LRRN1: variants seen among roughly 807,000 people sequenced by gnomAD.
LRRN1 encodes leucine rich repeat neuronal 1, also known as leucine-rich repeat neuronal protein 1.
LRRN1 carries 14 observed loss-of-function variants against 45.8 expected under a neutral mutation model. The ratio of observed to expected loss-of-function variants is 0.31; its 90% CI spans 0.20 to 0.48. The LOEUF (loss-of-function observed/expected upper bound fraction) is 0.48, where lower values mean the gene tolerates loss of function less well. Ranked by LOEUF, LRRN1 falls within the 20% of genes least tolerant of loss-of-function variation. The pLI is 0.99. For synonymous variants in LRRN1, 359 were observed against 330.1 expected, an observed-to-expected ratio of 1.09 and a Z score of -0.95; for missense variants, 789 against 874.2, an observed-to-expected ratio of 0.90 and a Z score of 1.23.
At chr3:3,815,322 A>C (rs1001439758) in intron 1 of LRRN1, among the ~76,000 whole-genome samples, 3 of 152,110 alleles carry the variant, frequency 2.0e-5, no homozygotes, top group East Asian at 1.9e-4. Context: ...AATGCTCACA[A>C]CTGACTCAGA....
intron 1 of LRRN1, among the ~76,000 whole-genome samples, chr3:3,824,525 C>T (rs1299929381): frequency 2.8e-5 from 3 of 106,628 alleles, no homozygotes; most frequent in Non-Finnish European, 8.0e-5. Context: ...GAACATTGTT[C>T]GGCTGACCTG....
rs947419800 is a variant in LRRN1, at chr3:3,828,989, T to C, written c.-278-15375T>C. ...CTCAGCAGGTTGTGTTTTCTTTTCT[T>C]TCTTTTTTTTTTTTTTTCCTGGTGG... On this transcript the variant is annotated intron_variant, in intron 1 of 1. Coordinates refer to ENST00000319331, the MANE Select transcript of LRRN1 (RefSeq NM_020873.7). Among the ~76,000 whole-genome samples, 4 of 128,478 alleles carry C rather than the reference T, an allele frequency of 3.1e-5. No individual in the cohort carries two copies. In the South Asian group the frequency reaches 8.4e-4, roughly 27 times the overall value. The allele number at this position is 128,478 out of a possible 152,430, so 84.3% of individuals were successfully genotyped here.
intron 1 of LRRN1, among the ~76,000 whole-genome samples, chr3:3,820,515 A>G (rs1178470157): frequency 2.6e-5 from 4 of 152,200 alleles, no homozygotes; most frequent in African/African-American, 2.4e-5. Flanking sequence ...AAGGAGAGCA[A>G]TGGTGTACTC....
At chr3:3,808,407 G>A (rs574797589) in intron 1 of LRRN1, among the ~76,000 whole-genome samples, 3 of 152,170 alleles carry the variant, frequency 2.0e-5, no homozygotes, top group African/African-American at 7.2e-5. Flanking sequence ...TAAGTACCTT[G>A]CCCAAGGTCA....
chr3:3,845,310 A>C lies in LRRN1; in HGVS notation c.669A>C (p.Ala223=). 2 of 1,614,140 alleles carry C rather than the reference A, an allele frequency of 1.2e-6. No homozygotes were observed. Among genetic ancestry groups the C allele is most frequent in the Non-Finnish European group, 8.5e-7 (1 of 1,180,024 alleles). ...PLANLRSLVL[A]GMYLTDIPGN... ...CAAATTTGAGAAGCTTAGTTTTGGCAGGAATGTATCTCACTGATATTCCTG... is the reference window on the plus strand; with the variant it reads ...CAAATTTGAGAAGCTTAGTTTTGGCCGGAATGTATCTCACTGATATTCCTG... The change falls in exon 2 of 2, where the codon GCA becomes GCC. Residue 223 remains alanine, a synonymous_variant. Transcript: ENST00000319331. This position sits in a 1 kb window ranked among gnomAD's most constrained non-coding sequence, Gnocchi z 6.5.
intron 1 of LRRN1, among the ~76,000 whole-genome samples, chr3:3,834,525 G>GATATATATCATATATATATATATAT (rs1693446485): frequency 3.7e-5 from 1 of 27,310 alleles, no homozygotes; most frequent in African/African-American, 8.6e-5. Context: ...GACAGAACAG[G>GATATATATCATATATATATATATAT]ATATATATAT....
chr3:3,836,769 T>C (rs1387875733), intron 1 of LRRN1, among the ~76,000 whole-genome samples: 1 of 151,982 alleles, frequency 6.6e-6, no homozygotes, highest in Non-Finnish European at 1.5e-5. Flanking sequence ...ATTTTAGGGG[T>C]AGTAGCAAAA....
intron 1 of LRRN1, among the ~76,000 whole-genome samples, chr3:3,834,525 G>GATATATATATATATGATAT (rs1553563058): frequency 1.5e-4 from 4 of 27,310 alleles, no homozygotes; most frequent in African/African-American, 3.4e-4. Flanking sequence ...GACAGAACAG[G>GATATATATATATATGATAT]ATATATATAT....
intron 1 of LRRN1, among the ~76,000 whole-genome samples, chr3:3,803,462 G>A (rs960625725): frequency 2.6e-5 from 4 of 152,056 alleles, no homozygotes; most frequent in African/African-American, 4.8e-5. Context: ...ATAGTTCCCC[G>A]AATGATTCAT....
At chr3:3,812,602 G>A (rs540889288) in intron 1 of LRRN1, among the ~76,000 whole-genome samples, 28 of 152,254 alleles carry the variant, frequency 1.8e-4, no homozygotes, top group South Asian at 6.2e-4. Context: ...ATCCTATACC[G>A]AAGAGATATG....
chr3:3,809,441 G>A (rs994010134), intron 1 of LRRN1, among the ~76,000 whole-genome samples: 1 of 152,166 alleles, frequency 6.6e-6, no homozygotes, highest in Non-Finnish European at 1.5e-5. Context: ...ACTGCCCCCG[G>A]CCATGAAAAG....
At chr3:3,805,972 T>C (rs971669075) in intron 1 of LRRN1, among the ~76,000 whole-genome samples, 6 of 152,334 alleles carry the variant, frequency 3.9e-5, no homozygotes, top group Admixed American at 2.6e-4. Context: ...AAGTATTTAT[T>C]GAGTGCTCTG....
intron 1 of LRRN1, among the ~76,000 whole-genome samples, chr3:3,835,116 A>T (rs1224422480): frequency 1.3e-5 from 2 of 152,184 alleles, no homozygotes; most frequent in Non-Finnish European, 2.9e-5. Flanking sequence ...GGCACAGAGA[A>T]TTTAAGTACA....
At chr3:3,839,633 G>C (rs1370305666) in intron 1 of LRRN1, among the ~76,000 whole-genome samples, 1 of 152,014 alleles carries the variant, frequency 6.6e-6, no homozygotes, top group African/African-American at 2.4e-5. Flanking sequence ...TCATCATTGT[G>C]TTTATATCAT....
chr3:3,805,364 G>C (rs1428608770), intron 1 of LRRN1, among the ~76,000 whole-genome samples: 2 of 152,224 alleles, frequency 1.3e-5, no homozygotes, highest in Non-Finnish European at 2.9e-5. Flanking sequence ...TTTCACAATA[G>C]TGATAAGTCT....
chr3:3,824,070 G>A (rs768833872), intron 1 of LRRN1, among the ~76,000 whole-genome samples: 5 of 152,170 alleles, frequency 3.3e-5, no homozygotes, highest in Admixed American at 6.5e-5. Flanking sequence ...AACTACCTGA[G>A]AGTCAGATAG....
At chr3:3,829,138 A>T (rs1350618032) in intron 1 of LRRN1, among the ~76,000 whole-genome samples, 1 of 151,742 alleles carries the variant, frequency 6.6e-6, no homozygotes, top group East Asian at 1.9e-4. Context: ...ATCCTAATGG[A>T]TCTCCTGTAT....
intron 1 of LRRN1, among the ~76,000 whole-genome samples, chr3:3,800,256 GGGAGGGA>G (rs1248388785): frequency 1.3e-5 from 2 of 152,126 alleles, no homozygotes; most frequent in African/African-American, 4.8e-5. Context: ...GGCCGACCAG[GGGAGGGA>G]GGTGCCCGGG....
intron 1 of LRRN1, among the ~76,000 whole-genome samples, chr3:3,842,884 A>G (rs1439567902): frequency 1.3e-5 from 2 of 152,212 alleles, no homozygotes; most frequent in Non-Finnish European, 2.9e-5. Flanking sequence ...ACCACTAACT[A>G]CTAATATTAT....
Sources: allele counts gnomAD v4.1 joint callset (sites outside exome capture counted in the v4.1 genomes callset), GRCh38; gene constraint gnomAD v4.1.1; non-coding constraint Gnocchi (gnomAD v3.1); transcripts MANE v1.5; gene names NCBI Gene and HGNC (gene_info 2026-07-23, HGNC 2026-07-21).